Variants in ASPG observed in about 807,000 individuals in gnomAD.
The protein encoded by ASPG is asparaginase, also known as 60 kDa lysophospholipase.
In ASPG, 53 loss-of-function variants were observed where a neutral mutation model predicts 63.2. The observed-to-expected ratio is 0.84, with a 90% CI of 0.67 to 1.05. ASPG has a LOEUF of 1.05. ASPG is among the 50% of genes least tolerant of loss of function. The pLI, the probability that ASPG is intolerant of heterozygous loss-of-function variation, is 0.00. For missense variants in ASPG, 741 were observed against 794.4 expected, an observed-to-expected ratio of 0.93 and a Z score of 0.81; for synonymous variants, 370 against 355.0, an observed-to-expected ratio of 1.04 and a Z score of -0.48.
chr14:104,106,422 G>T (rs1361961518), intron 10 of ASPG, among the ~76,000 whole-genome samples: 1 of 152,186 alleles, frequency 6.6e-6, no homozygotes, highest in African/African-American at 2.4e-5. Context: ...CCAGGGGAGG[G>T]GTCTGGCTCT....
In ASPG at chr14:104,105,368, C is replaced by T. The variant is rs370504843; in HGVS notation, c.1091C>T (p.Ser364Leu). 77 of 1,612,608 alleles carry T rather than the reference C, an allele frequency of 4.8e-5. No individual in the cohort carries two copies. Among genetic ancestry groups the T allele is most frequent in the African/African-American group, 6.7e-5 (5 of 75,052 alleles). The change falls in exon 10 of 16, where the codon TCG becomes TTG. Residue 364 changes from serine to leucine, a missense_variant. Physicochemically the swap from Ser to Leu is moderately radical, Grantham distance 145. Transcript: ENST00000551177. ...KDLRGEMTPP[S>L]VEERRPSLQG... ...CTTCGGGGGGAGATGACGCCACCCTCGGTGGAAGAGCGCCGGCCCTCACTG... is the reference window on the plus strand; with the variant it reads ...CTTCGGGGGGAGATGACGCCACCCTTGGTGGAAGAGCGCCGGCCCTCACTG...
rs890935685 is a variant in ASPG at position 104,095,605 on chromosome 14, G to A, written c.378G>A (p.Leu126=). The A allele has an allele frequency of 1.9e-6, 3 of 1,613,146 alleles. No homozygotes were observed. Among genetic ancestry groups the A allele is most frequent in the South Asian group, 2.2e-5 (2 of 91,084 alleles). The part of the protein sequence containing the change: ...TDTMAFAASM[L]SFMLENLQKT... ...CCATGGCCTTTGCTGCCTCGATGCT[G>A]TCCTTCATGCTGGAGAACCTGCAGA... The change falls in exon 4 of 16, where the codon CTG becomes CTA. Residue 126 remains leucine (L), a synonymous_variant. Transcript: ENST00000551177.
intron 1 of ASPG, among the ~76,000 whole-genome samples, chr14:104,088,796 A>G (rs1294196948): frequency 6.6e-6 from 1 of 152,092 alleles, no homozygotes; most frequent in East Asian, 1.9e-4. Flanking sequence ...CCATTGTCTT[A>G]GAGAGCAAAG....
At chr14:104,095,926 G>T (rs1056794483) in intron 4 of ASPG, among the ~76,000 whole-genome samples, 2 of 152,108 alleles carry the variant, frequency 1.3e-5, no homozygotes, top group Non-Finnish European at 2.9e-5. Context: ...GGCCCACCTC[G>T]GCCCTGGGGG....
intron 3 of ASPG, among the ~76,000 whole-genome samples, chr14:104,094,528 A>T (rs1348572018): frequency 6.7e-6 from 1 of 149,288 alleles, no homozygotes; most frequent in Non-Finnish European, 1.5e-5. Context: ...TGCCTCCCCT[A>T]GTAGGGGGCC....
Position 104,104,499 on chromosome 14 carries a change from G to C in ASPG, c.936+13G>C, listed in dbSNP as rs1053618573. On this transcript the variant is annotated intron_variant, in intron 8 of 15. Coordinates refer to ENST00000551177, the MANE Select transcript of ASPG (RefSeq NM_001080464.3). ...TGCAGCTGGCATGGTAGTGCCGGGA[G>C]ATCAGGGCCTAGCGGGGAAGGGGAC... is the stretch of plus-strand genomic sequence containing the variant. 19 of 1,610,248 alleles carry C rather than the reference G, an allele frequency of 1.2e-5. No individual in the cohort carries two copies. The Middle Eastern group carries it at 6.6e-4, about 56-fold the overall frequency.
At chr14:104,099,679 T>C (rs951397176) in intron 6 of ASPG, among the ~76,000 whole-genome samples, 5 of 152,222 alleles carry the variant, frequency 3.3e-5, no homozygotes, top group Middle Eastern at 3.2e-3. Context: ...GCATGGCCAG[T>C]CCTGACCCCA....
intron 2 of ASPG, 159 bp from the exon 3 acceptor site, chr14:104,093,332 C>T (rs1421932814): frequency 2.8e-6 from 2 of 709,198 alleles, no homozygotes; most frequent in Non-Finnish European, 5.0e-6. Flanking sequence ...GGGGGCCGGG[C>T]CCCGTACCTG....
At position 104,103,242 on chromosome 14, in the gene ASPG, C is replaced by CG. The variant is rs200605131; in HGVS notation, c.641-321_641-320insG. 5.4e-3 allele frequency among the ~76,000 whole-genome samples: 818 copies of CG among 152,368 alleles called. 7 individuals are homozygous for CG. Among genetic ancestry groups the CG allele is most frequent in the African/African-American group, 0.019 (771 of 41,596 alleles). On this transcript the variant is annotated intron_variant, in intron 6 of 15. Transcript: ENST00000551177. ...CCATCTCTGCAGGACCCTCCTGCCCCTCGCCTGGCCAGCGGAGTTTCCCTG... is the reference window on the plus strand; with the variant it reads ...CCATCTCTGCAGGACCCTCCTGCCCCGTCGCCTGGCCAGCGGAGTTTCCCTG...
chr14:104,103,723 C>T (rs1298699962), intron 7 of ASPG, 48 bp downstream of exon 7: 5 of 1,493,858 alleles, frequency 3.3e-6, no homozygotes, highest in Admixed American at 2.0e-5. Flanking sequence ...GAGCCCCAGC[C>T]CTCTGCAGCT....
chr14:104,089,984 G>A (rs1202286668), intron 1 of ASPG, among the ~76,000 whole-genome samples: 3 of 147,408 alleles, frequency 2.0e-5, no homozygotes, highest in Non-Finnish European at 4.5e-5. Flanking sequence ...AGGAAGAAAG[G>A]AGAAGAAAAA....
chr14:104,111,936 A>G lies in ASPG; in HGVS notation c.1637A>G (p.Asn546Ser), dbSNP rs1165443853. The G allele has an allele frequency of 3.2e-6, 5 of 1,555,564 alleles. No homozygotes were observed. The African/African-American group carries it at 5.5e-5, about 17-fold the overall frequency. The change falls in exon 15 of 16, where the codon AAC becomes AGC. Residue 546 changes from asparagine to serine, a missense_variant. By Grantham distance (46) the Asn-to-Ser change is conservative. Transcript: ENST00000551177. ...SALHVAEAAG[N>S]LAVVAFLQSL... ...TCCCCATAGGCAGAGGCAGCCGGGA[A>G]CCTGGCAGTGGTGGCCTTTCTACAG...
At chr14:104,108,355 G>A (rs1596108969) in intron 12 of ASPG, 1 of 963,558 alleles carries the variant, frequency 1.0e-6, no homozygotes, top group Non-Finnish European at 1.2e-6. Flanking sequence ...GCGCGGAGAC[G>A]AGCTCACACA....
chr14:104,089,881 G>A lies in ASPG; in HGVS notation c.83-2752G>A, dbSNP rs546895584. On this transcript the variant is annotated intron_variant, in intron 1 of 15. Coordinates refer to ENST00000551177, the MANE Select transcript of ASPG (RefSeq NM_001080464.3). Reference sequence around the variant, plus strand: ...GAGAATTGCTTGAGCCGGGTGGGTGGAGGTTGCAGTGAGTCGAGATGGCAT... The same window carrying A: ...GAGAATTGCTTGAGCCGGGTGGGTGAAGGTTGCAGTGAGTCGAGATGGCAT... Among the ~76,000 whole-genome samples, 20 of 147,076 alleles carry A rather than the reference G, an allele frequency of 1.4e-4. 1 individual carries two copies. The highest frequency in any genetic ancestry group is 2.4e-4 in the Non-Finnish European group (16 of 67,370).
At position 104,109,083 on chromosome 14, in the gene ASPG, C is replaced by A; in HGVS notation, c.1434-146C>A. The A allele has an allele frequency of 6.8e-7, 1 of 1,477,020 alleles. No homozygotes were observed. The highest frequency in any genetic ancestry group is 9.0e-7 in the Non-Finnish European group (1 of 1,114,706). 91.5% of individuals were successfully genotyped at this position (1,477,020 alleles called of 1,614,324 possible). On this transcript the variant is annotated intron_variant, in intron 12 of 15. Transcript: ENST00000551177. This position sits in a 1 kb window ranked among gnomAD's most constrained non-coding sequence, Gnocchi z 4.8. ...CCTAGGCAGAGGATGGGGGGATGGG[C>A]CCTTGTCTGAGGCTAGGGCTGTGGG... is the stretch of plus-strand genomic sequence containing the variant.
chr14:104,086,505 A>G (rs1425457780), intron 1 of ASPG, among the ~76,000 whole-genome samples: 1 of 152,000 alleles, frequency 6.6e-6, no homozygotes, highest in Non-Finnish European at 1.5e-5. Flanking sequence ...GCTCTGTGGT[A>G]CTCCAGCACA....
chr14:104,111,686 G>T, intron 14 of ASPG, 85 bp downstream of exon 14: 1 of 1,144,538 alleles, frequency 8.7e-7, no homozygotes, highest in Non-Finnish European at 1.3e-6. Flanking sequence ...TCACTGCTCT[G>T]CCCCTCCCCG....
At chr14:104,095,492 C>T (rs1329568438) in intron 3 of ASPG, 39 bp from the exon 4 acceptor site, 18 of 1,610,342 alleles carry the variant, frequency 1.1e-5, no homozygotes, top group Non-Finnish European at 1.4e-5. Context: ...CACCTGCTTG[C>T]GAGGGGCTGG....
intron 2 of ASPG, 28 bp downstream of exon 2, chr14:104,092,769 A>C: frequency 6.6e-7 from 1 of 1,521,850 alleles, no homozygotes. Context: ...CCAGTCCCGG[A>C]CAGGGCATGG....
Sources: gnomAD v4.1 joint callset for allele counts (sites outside exome capture counted in the v4.1 genomes callset) on GRCh38, gnomAD v4.1.1 for gene constraint, Gnocchi (gnomAD v3.1) non-coding constraint, MANE v1.5 for transcripts, NCBI Gene and HGNC (gene_info 2026-07-23, HGNC 2026-07-21) for gene names.